CSMD1: variants seen among roughly 807,000 people sequenced by gnomAD.
CSMD1 encodes the protein CUB and sushi domain-containing protein 1.
In CSMD1, 213 loss-of-function variants were observed where a neutral mutation model predicts 417.5. The observed-to-expected ratio is 0.51, with a 90% CI of 0.46 to 0.57. The LOEUF (loss-of-function observed/expected upper bound fraction) is 0.57. Ranked by LOEUF, CSMD1 falls within the 20% of genes least tolerant of loss-of-function variation. The probability of loss-of-function intolerance (pLI) is 0.00; values close to 1 mark genes in which losing one functional copy is unlikely to be tolerated. For synonymous variants in CSMD1, 2,862 were observed against 1,736.8 expected, an observed-to-expected ratio of 1.65 and a Z score of -16.11; for missense variants, 6,923 against 4,529.7, an observed-to-expected ratio of 1.53 and a Z score of -15.17.
At chr8:3,625,324 G>A (rs1301118116) in intron 7 of CSMD1, among the ~76,000 whole-genome samples, 1 of 152,098 alleles carries the variant, frequency 6.6e-6, no homozygotes, top group East Asian at 1.9e-4. Flanking sequence ...CATACTAATG[G>A]ATCTCCAATT....
chr8:4,162,598 G>C (rs1442310525), intron 3 of CSMD1, among the ~76,000 whole-genome samples: 3 of 151,964 alleles, frequency 2.0e-5, no homozygotes, highest in Admixed American at 6.6e-5. Context: ...TATTTTAAGA[G>C]CAGTTTTTCT....
intron 3 of CSMD1, among the ~76,000 whole-genome samples, chr8:4,032,492 G>C (rs949473969): frequency 2.6e-5 from 4 of 152,144 alleles, no homozygotes; most frequent in Non-Finnish European, 4.4e-5. Context: ...AGTGGCATAA[G>C]AAATACTGCA....
At chr8:4,629,083 A>ATCCT (rs1802344442) in intron 2 of CSMD1, among the ~76,000 whole-genome samples, 1 of 152,194 alleles carries the variant, frequency 6.6e-6, no homozygotes, top group Non-Finnish European at 1.5e-5. Flanking sequence ...CTACATTTAT[A>ATCCT]TACTTAGACA....
At chr8:4,411,247 T>C (rs1406175062) in intron 3 of CSMD1, among the ~76,000 whole-genome samples, 36 of 152,220 alleles carry the variant, frequency 2.4e-4, no homozygotes, top group Admixed American at 2.4e-3. Context: ...ATTTTGTTAC[T>C]GAAAATTGAT....
At chr8:4,690,365 G>A (rs1321585352) in intron 1 of CSMD1, among the ~76,000 whole-genome samples, 1 of 152,168 alleles carries the variant, frequency 6.6e-6, no homozygotes, top group Non-Finnish European at 1.5e-5. Flanking sequence ...CTATAGTTTT[G>A]AATGAGTAAA....
chr8:3,027,349 G>C (rs1810009942), intron 51 of CSMD1, among the ~76,000 whole-genome samples: 2 of 152,204 alleles, frequency 1.3e-5, no homozygotes, highest in African/African-American at 4.8e-5. Context: ...CAATGTGTTT[G>C]GGTAAGAAAA....
At chr8:3,145,446 G>A (rs148301170) in intron 40 of CSMD1, among the ~76,000 whole-genome samples, 4 of 152,242 alleles carry the variant, frequency 2.6e-5, no homozygotes, top group African/African-American at 9.6e-5. Context: ...GCAAAGAAAT[G>A]GAGGACATCC....
At chr8:4,948,656 G>C (rs897128729) in intron 1 of CSMD1, among the ~76,000 whole-genome samples, 2 of 151,938 alleles carry the variant, frequency 1.3e-5, no homozygotes, top group Non-Finnish European at 2.9e-5. Flanking sequence ...TAAATATGTT[G>C]CTAGGTTGCT....
intron 2 of CSMD1, among the ~76,000 whole-genome samples, chr8:4,526,598 T>A (rs1018196447): frequency 2.0e-5 from 3 of 152,260 alleles, no homozygotes; most frequent in African/African-American, 7.2e-5. Flanking sequence ...ACACTGATCA[T>A]GTCTCTTTCA....
chr8:4,783,231 A>G (rs1413184826), intron 1 of CSMD1, among the ~76,000 whole-genome samples: 2 of 152,228 alleles, frequency 1.3e-5, no homozygotes, highest in African/African-American at 2.4e-5. Flanking sequence ...TTCGTGAAAC[A>G]TATCATGATG....
chr8:4,031,684 C>T, intron 4 of CSMD1, among the ~76,000 whole-genome samples: 1 of 152,106 alleles, frequency 6.6e-6, no homozygotes, highest in East Asian at 1.9e-4. Context: ...CATGTTATTA[C>T]TTACATACTA....
chr8:3,525,321 G>C (rs768142701), intron 10 of CSMD1, among the ~76,000 whole-genome samples: 1 of 152,138 alleles, frequency 6.6e-6, no homozygotes, highest in Non-Finnish European at 1.5e-5. Flanking sequence ...CATTTCCAGT[G>C]AGAAGGGCAG....
chr8:3,311,461 G>C (rs545472602), intron 23 of CSMD1, among the ~76,000 whole-genome samples: 13 of 147,386 alleles, frequency 8.8e-5, no homozygotes, highest in Non-Finnish European at 1.9e-4. Flanking sequence ...CGTTGTCTAG[G>C]CTTGTCTCAA....
intron 5 of CSMD1, among the ~76,000 whole-genome samples, chr8:3,970,050 C>G (rs1467160219): frequency 6.6e-6 from 1 of 152,186 alleles, no homozygotes; most frequent in Non-Finnish European, 1.5e-5. Flanking sequence ...ACTGAGCTAC[C>G]AAACTACTAA....
intron 5 of CSMD1, among the ~76,000 whole-genome samples, chr8:3,826,230 T>C (rs17067698): frequency 0.011 from 1,696 of 152,212 alleles, 31 homozygotes; most frequent in African/African-American, 0.038. Flanking sequence ...GCTAGAAAGA[T>C]GAAGTGATGC....
chr8:4,073,196 TCAC>T (rs958878958), intron 3 of CSMD1, among the ~76,000 whole-genome samples: 163 of 152,178 alleles, frequency 1.1e-3, no homozygotes, highest in African/African-American at 3.9e-3. Context: ...CAAAGAACGC[TCAC>T]AACAATAACT....
chr8:3,356,990 G>C (rs1808838128), intron 21 of CSMD1, among the ~76,000 whole-genome samples: 2 of 152,056 alleles, frequency 1.3e-5, no homozygotes, highest in Non-Finnish European at 2.9e-5. Flanking sequence ...GGGTTGGTGG[G>C]GTCTGGGGAG....
chr8:4,857,254 C>T (rs1339751945), intron 1 of CSMD1, among the ~76,000 whole-genome samples: 50 of 147,064 alleles, frequency 3.4e-4, no homozygotes, highest in Admixed American at 2.7e-3. Flanking sequence ...ATCTCTGGGA[C>T]GCATTCAAAG....
intron 2 of CSMD1, among the ~76,000 whole-genome samples, chr8:4,554,442 C>A (rs1486253625): frequency 6.6e-6 from 1 of 152,154 alleles, no homozygotes; most frequent in Non-Finnish European, 1.5e-5. Context: ...CGCCCAGACA[C>A]AGTCACTTTT....
Sources: allele counts gnomAD v4.1 joint callset (sites outside exome capture counted in the v4.1 genomes callset), GRCh38; gene constraint gnomAD v4.1.1; transcripts MANE v1.5; gene names NCBI Gene and HGNC (gene_info 2026-07-23, HGNC 2026-07-21).